Variants in THRB observed in about 807,000 individuals in gnomAD.
THRB encodes the protein thyroid hormone receptor beta.
A neutral mutation model predicts 47.8 loss-of-function variants in THRB; 12 were observed. The ratio of observed to expected loss-of-function variants is 0.25; its 90% CI spans 0.16 to 0.41. The LOEUF is 0.41. Ranked by LOEUF, THRB falls within the 10% of genes least tolerant of loss-of-function variation. The probability of loss-of-function intolerance (pLI) is 1.00; values close to 1 mark genes in which losing one functional copy is unlikely to be tolerated. For synonymous variants in THRB, 218 were observed against 212.2 expected, an observed-to-expected ratio of 1.03 and a Z score of -0.24; for missense variants, 348 against 589.2, an observed-to-expected ratio of 0.59 and a Z score of 4.24.
chr3:24,298,433 CA>C (rs1211236178), intron 2 of THRB, among the ~76,000 whole-genome samples: 3 of 152,114 alleles, frequency 2.0e-5, no homozygotes, highest in Non-Finnish European at 4.4e-5. Context: ...TAATTTCATG[CA>C]AATAATTATT....
intron 1 of THRB, among the ~76,000 whole-genome samples, chr3:24,431,273 C>CT (rs1432302019): frequency 4.6e-5 from 7 of 151,340 alleles, no homozygotes; most frequent in Non-Finnish European, 7.4e-5. Flanking sequence ...CACACACACA[C>CT]ACACACACAC....
intron 1 of THRB, among the ~76,000 whole-genome samples, chr3:24,488,281 T>C (rs1453919531): frequency 6.6e-6 from 1 of 152,206 alleles, no homozygotes. Flanking sequence ...CTTTGGGAAG[T>C]AGGAAGTTGA....
intron 1 of THRB, among the ~76,000 whole-genome samples, chr3:24,427,398 G>C (rs976930939): frequency 6.6e-6 from 1 of 151,988 alleles, no homozygotes; most frequent in African/African-American, 2.4e-5. Context: ...ACCCTGCACT[G>C]AAGTTGGATC....
chr3:24,239,666 T>TAAAGG (rs2049276574), intron 3 of THRB, among the ~76,000 whole-genome samples: 1 of 152,118 alleles, frequency 6.6e-6, no homozygotes, highest in African/African-American at 2.4e-5. Context: ...AGGAAGGTTA[T>TAAAGG]AAAGGAAAGA....
chr3:24,150,284 G>A (rs887108716), intron 6 of THRB, among the ~76,000 whole-genome samples: 1 of 152,118 alleles, frequency 6.6e-6, no homozygotes, highest in African/African-American at 2.4e-5. Context: ...AAACGATATA[G>A]GAAACAATTA....
chr3:24,264,390 TTTTG>T lies in THRB; in HGVS notation c.-43+32832_-43+32835del, dbSNP rs150941796. Among the ~76,000 whole-genome samples the T allele has an allele frequency of 7.3e-3, 1,115 of 152,262 alleles. 16 individuals carry two copies. The highest frequency in any genetic ancestry group is 0.023 in the African/African-American group (961 of 41,550). ...CTGTGTTTATTGTACCTCTTAAATT[TTTTG>T]TTTGTTTGTTTGTTTTTCCTGAAAA... On this transcript the variant is annotated intron_variant, in intron 3 of 10. Coordinates refer to ENST00000646209, the MANE Select transcript of THRB (RefSeq NM_001354712.2).
chr3:24,158,440 A>T lies in THRB; in HGVS notation c.284-5950T>A, dbSNP rs13322598. ...GATAACTTTTTTTTTTTTTGGGGGG[A>T]GGGTGGGGGACGAGTTTCACTCTTG... On this transcript the variant is annotated intron_variant, in intron 5 of 10. Transcript: ENST00000646209. Among the ~76,000 whole-genome samples, 3 of 24,760 alleles carry T rather than the reference A, an allele frequency of 1.2e-4. No individual in the cohort carries two copies. The Admixed American group carries it at 1.8e-3, about 15-fold the overall frequency. The allele number at this position is 24,760 out of a possible 152,430, so 16.2% of individuals were successfully genotyped here.
chr3:24,430,915 AGATGT>A (rs1251653518), intron 1 of THRB: 2 of 152,206 alleles, frequency 1.3e-5, no homozygotes, highest in African/African-American at 4.8e-5. Flanking sequence ...AAAGTACTCC[AGATGT>A]GTGCATTGAT....
intron 4 of THRB, among the ~76,000 whole-genome samples, chr3:24,216,813 A>C (rs1286626583): frequency 6.6e-6 from 1 of 152,170 alleles, no homozygotes; most frequent in Non-Finnish European, 1.5e-5. Context: ...ATAATTTCTT[A>C]ATCTAATTTA....
At chr3:24,303,284 A>G (rs17014491) in intron 2 of THRB, among the ~76,000 whole-genome samples, 18,953 of 152,228 alleles carry the variant, frequency 0.12, 1,296 homozygotes, top group East Asian at 0.2. Flanking sequence ...TTTTGAGTCT[A>G]GGCTTAGTGA....
chr3:24,302,787 C>T (rs2057042381), intron 2 of THRB, among the ~76,000 whole-genome samples: 1 of 152,240 alleles, frequency 6.6e-6, no homozygotes, highest in Non-Finnish European at 1.5e-5. Flanking sequence ...TTACCCCCAA[C>T]TAATATATAA....
At chr3:24,316,334 T>C (rs28689966) in intron 2 of THRB, among the ~76,000 whole-genome samples, 5,835 of 152,272 alleles carry the variant, frequency 0.038, 350 homozygotes, top group African/African-American at 0.13. Flanking sequence ...TTTTTAAATA[T>C]ACTGGTATAT....
At chr3:24,448,637 C>T (rs1413631519) in intron 1 of THRB, among the ~76,000 whole-genome samples, 2 of 152,094 alleles carry the variant, frequency 1.3e-5, no homozygotes, top group Non-Finnish European at 2.9e-5. Context: ...AAACACAACC[C>T]ATTAAGTACC....
At chr3:24,215,712 C>T (rs917299235) in intron 4 of THRB, among the ~76,000 whole-genome samples, 8 of 152,208 alleles carry the variant, frequency 5.3e-5, no homozygotes, top group African/African-American at 4.8e-5. Context: ...TTCCCAGCAA[C>T]CTTGCAGTGA....
chr3:24,444,933 G>C (rs1033268447), intron 1 of THRB, among the ~76,000 whole-genome samples: 1 of 152,096 alleles, frequency 6.6e-6, no homozygotes. Context: ...CTTAAAGAAT[G>C]CTGAGACAAT....
chr3:24,249,808 T>A (rs1442887673), intron 3 of THRB, among the ~76,000 whole-genome samples: 2 of 152,252 alleles, frequency 1.3e-5, no homozygotes, highest in Admixed American at 1.3e-4. Flanking sequence ...TACCCTGGTC[T>A]GCAACACCTA....
At chr3:24,272,762 A>G (rs1241099592) in intron 3 of THRB, among the ~76,000 whole-genome samples, 1 of 152,176 alleles carries the variant, frequency 6.6e-6, no homozygotes, top group Non-Finnish European at 1.5e-5. Flanking sequence ...TGTTGTGACC[A>G]TATAAATCAT....
At chr3:24,238,369 G>T (rs1440565520) in intron 3 of THRB, among the ~76,000 whole-genome samples, 2 of 150,930 alleles carry the variant, frequency 1.3e-5, no homozygotes, top group East Asian at 3.9e-4. Context: ...AAGGAATGAG[G>T]GTACCATGCA....
intron 8 of THRB, among the ~76,000 whole-genome samples, chr3:24,138,904 C>T (rs189202787): frequency 1.3e-5 from 2 of 152,342 alleles, no homozygotes; most frequent in Admixed American, 1.3e-4. Context: ...AAAGCTACAA[C>T]TTTGCATGAA....
Sources: gnomAD v4.1 joint callset for allele counts (sites outside exome capture counted in the v4.1 genomes callset) on GRCh38, gnomAD v4.1.1 for gene constraint, MANE v1.5 for transcripts, NCBI Gene and HGNC (gene_info 2026-07-23, HGNC 2026-07-21) for gene names.